The following COL12A1 variants were observed in gnomAD, a reference collection of about 807,000 sequenced individuals.
COL12A1 encodes the protein collagen type XII alpha 1 chain, also known as collagen alpha-1(XII) chain.
In COL12A1, 114 loss-of-function variants were observed where a neutral mutation model predicts 349.7. That is an observed-to-expected ratio of 0.33 (90% CI 0.28 to 0.38). The LOEUF is 0.38. COL12A1 is among the 10% of genes least tolerant of loss of function. COL12A1 has a pLI of 1.00. For missense variants in COL12A1, 3,284 were observed against 3,756.9 expected (o/e 0.87, Z 3.29); for synonymous variants, 1,369 against 1,329.0 (o/e 1.03, Z -0.66).
chr6:75,117,191 C>A (rs141698397), intron 47 of COL12A1, among the ~76,000 whole-genome samples, 191 bp downstream of exon 47: 8 of 152,198 alleles, frequency 5.3e-5, no homozygotes, highest in African/African-American at 1.9e-4. Flanking sequence ...ATATTCAAGG[C>A]TAAAAATGGA....
At chr6:75,142,691 A>G (rs1766961872) in intron 26 of COL12A1, among the ~76,000 whole-genome samples, 1 of 152,190 alleles carries the variant, frequency 6.6e-6, no homozygotes, top group Non-Finnish European at 1.5e-5. Context: ...TCTGACATTA[A>G]TACTCCCTCA....
Position 75,138,938 on chromosome 6 carries a change from A to C in COL12A1, c.4981T>G (p.Leu1661Val). 6.2e-7 allele frequency: 1 copy of C among 1,614,066 alleles called. No individual in the cohort carries two copies. The highest frequency in any genetic ancestry group is 8.5e-7 in the Non-Finnish European group (1 of 1,179,930). ...TCTGATGTTACTTCAGTAATCTTTA[A>C]GTTTGTTGGGGCTGGCACGGGTCCT... is the stretch of plus-strand genomic sequence containing the variant. ...TTRPVPAPTN[L>V]KITEVTSEGF... Residue 1661 changes from leucine to valine, a missense_variant, in exon 28 of 66, where the codon TTA becomes GTA. Leu to Val is a conservative substitution (Grantham distance 32, BLOSUM62 1). This residue lies in a region of COL12A1 where 2,601 missense variants were observed against 2,824.8 expected (regional missense o/e 0.92). Coordinates refer to ENST00000322507, the MANE Select transcript of COL12A1 (RefSeq NM_004370.6).
At chr6:75,101,379 ATTAAAATTTCAAAGACTC>A (rs1261800865) in intron 58 of COL12A1, among the ~76,000 whole-genome samples, 1 of 152,218 alleles carries the variant, frequency 6.6e-6, no homozygotes, top group Non-Finnish European at 1.5e-5. Flanking sequence ...TTTTCTGAAA[ATTAAAATTTCAAAGACTC>A]CCCTGGAGTC....
At chr6:75,186,286 C>A (rs1769615338) in intron 8 of COL12A1, among the ~76,000 whole-genome samples, 2 of 152,094 alleles carry the variant, frequency 1.3e-5, no homozygotes, top group South Asian at 4.1e-4. Context: ...CAACACACAA[C>A]CCCATTTAAA....
chr6:75,138,904 CT>C lies in COL12A1; in HGVS notation c.5014del (p.Arg1672GlufsTer16). The stretch of plus-strand genomic sequence containing the variant: ...TGAAGCTCCATGATCCCAAGTCCCT[CT>C]GAAACCCTCTGATGTTACTTCAGTA... ...KITEVTSEGF[R>X]GTWDHGASDV... On this transcript the variant is annotated frameshift_variant, in exon 28 of 66. Transcript: ENST00000322507. LOFTEE classifies it high-confidence loss of function. 6.2e-7 allele frequency: 1 copy of C among 1,614,128 alleles called. No homozygotes were observed. The highest frequency in any genetic ancestry group is 8.5e-7 in the Non-Finnish European group (1 of 1,179,972).
At chr6:75,132,478 T>C (rs1766357893) in intron 34 of COL12A1, among the ~76,000 whole-genome samples, 1 of 152,226 alleles carries the variant, frequency 6.6e-6, no homozygotes, top group Non-Finnish European at 1.5e-5. Context: ...GCTATTGAGC[T>C]CATCTGATTC....
Position 75,130,178 on chromosome 6 carries a change from G to C in COL12A1, c.6123C>G (p.Leu2041=). Residue 2041 remains leucine (L), a synonymous_variant, in exon 37 of 66, where the codon CTC becomes CTG. Coordinates refer to ENST00000322507, the MANE Select transcript of COL12A1 (RefSeq NM_004370.6). ...CATCAGCATGATCCCAGGCTACCGA[G>C]AGGCTATTGGTTGTTTCACCAAAGA... ...LRVFGETTNS[L]SVAWDHADGP... The C allele has an allele frequency of 2.5e-6, 4 of 1,614,022 alleles. No homozygotes were observed. The highest frequency in any genetic ancestry group is 3.4e-6 in the Non-Finnish European group (4 of 1,179,978).
intron 13 of COL12A1, 29 bp downstream of exon 13, chr6:75,175,009 G>A: frequency 6.2e-7 from 1 of 1,610,144 alleles, no homozygotes; most frequent in South Asian, 1.1e-5. Flanking sequence ...ACAAGTTCCT[G>A]GATTTTCAGA....
intron 13 of COL12A1, among the ~76,000 whole-genome samples, chr6:75,168,640 G>A (rs989268939): frequency 6.6e-6 from 1 of 152,276 alleles, no homozygotes; most frequent in East Asian, 1.9e-4. Flanking sequence ...CCTAAGTACT[G>A]GTGCCTTCTA....
intron 60 of COL12A1, among the ~76,000 whole-genome samples, chr6:75,093,959 C>T (rs919694352): frequency 6.6e-6 from 1 of 152,126 alleles, no homozygotes; most frequent in Non-Finnish European, 1.5e-5. Context: ...GTTTCATATA[C>T]TTATAATTGC....
intron 58 of COL12A1, 94 bp from the exon 59 acceptor site, chr6:75,097,400 A>G (rs914672333): frequency 2.0e-5 from 18 of 909,842 alleles, no homozygotes; most frequent in Non-Finnish European, 3.1e-5. Flanking sequence ...AAGGCTGAAG[A>G]GAAGGATTTA....
In COL12A1 at chr6:75,090,419, C is replaced by T; in HGVS notation, c.8753-121G>A. On this transcript the variant is annotated intron_variant, in intron 62 of 65. Transcript: ENST00000322507. This position sits in a 1 kb window ranked among gnomAD's most constrained non-coding sequence, Gnocchi z 4.1. ...CCATTCTGCAACCCCTCTAAGGAAA[C>T]AATCTAATTAGAATCCTAAAAATAA... The T allele has an allele frequency of 1.1e-6, 1 of 910,062 alleles. No homozygotes were observed. Among genetic ancestry groups the T allele is most frequent in the Non-Finnish European group, 1.6e-6 (1 of 606,824 alleles). 56.4% of individuals were successfully genotyped at this position (910,062 alleles called of 1,614,324 possible).
At chr6:75,189,475 T>C in intron 6 of COL12A1, 77 bp downstream of exon 6, 2 of 1,576,868 alleles carry the variant, frequency 1.3e-6, no homozygotes, top group Non-Finnish European at 1.7e-6. Context: ...ATTTAATATG[T>C]AATAGGCAAT....
At position 75,151,187 on chromosome 6, in the gene COL12A1, T is replaced by G. The variant is rs745813975; in HGVS notation, c.4101A>C (p.Ile1367=). 6.2e-7 allele frequency: 1 copy of G among 1,612,356 alleles called. No individual in the cohort carries two copies. Among genetic ancestry groups the G allele is most frequent in the Admixed American group, 1.7e-5 (1 of 59,896 alleles). Residue 1367 remains isoleucine, a synonymous_variant, in exon 21 of 66, where the codon ATA becomes ATC. Transcript: ENST00000322507. ...NVADFESLSR[I]VDDLTINLCN... ...ACAAATTAATGGTGAGATCATCCAC[T>G]ATCCTGGAGAGTGACTCAAAATCTG...
chr6:75,102,173 G>A, intron 56 of COL12A1, 121 bp from the exon 57 acceptor site: 1 of 884,930 alleles, frequency 1.1e-6, no homozygotes, highest in Non-Finnish European at 1.8e-6. Flanking sequence ...CGTTCAGAAT[G>A]AGCACAGAAG....
Position 75,147,667 on chromosome 6 carries a change from T to A in COL12A1, c.4417+8A>T. ...AGCAATGAGAAACAATTTTTTAATC[T>A]GACTCACAGGTTTTTTCTGTCCCCT... On this transcript the variant is annotated splice_region_variant and intron_variant, in intron 23 of 65. Coordinates refer to ENST00000322507, the MANE Select transcript of COL12A1 (RefSeq NM_004370.6). The A allele has an allele frequency of 6.3e-7, 1 of 1,581,542 alleles. No individual in the cohort carries two copies. The highest frequency in any genetic ancestry group is 1.9e-5 in the Admixed American group (1 of 52,452).
chr6:75,167,835 T>C (rs895007741), intron 13 of COL12A1, among the ~76,000 whole-genome samples: 2 of 152,228 alleles, frequency 1.3e-5, no homozygotes, highest in Non-Finnish European at 2.9e-5. Context: ...TAAAATGCAA[T>C]GAAGACCTTT....
At chr6:75,161,254 C>T (rs1768012055) in intron 14 of COL12A1, among the ~76,000 whole-genome samples, 1 of 152,176 alleles carries the variant, frequency 6.6e-6, no homozygotes. Flanking sequence ...TCTTTTTTCT[C>T]ATCAATGTTA....
At position 75,119,657 on chromosome 6, in the gene COL12A1, G is replaced by T. The variant is rs636885; in HGVS notation, c.7087-184C>A. 0.88 allele frequency among the ~76,000 whole-genome samples: 133,936 copies of T among 152,256 alleles called. 58,973 individuals are homozygous for T. Among genetic ancestry groups the T allele is most frequent in the Admixed American group, 0.9 (13,785 of 15,284 alleles). The stretch of plus-strand genomic sequence containing the variant: ...CTACTGCACTTGTCTCATTAAATTC[G>T]TTAATTTTCAATCTTCAATGAAATT... On this transcript the variant is annotated intron_variant, in intron 44 of 65. Transcript: ENST00000322507.
Sources: gnomAD v4.1 joint callset for allele counts (sites outside exome capture counted in the v4.1 genomes callset) on GRCh38, gnomAD v4.1.1 for gene constraint, gnomAD v4.1.1 regional missense constraint, Gnocchi (gnomAD v3.1) non-coding constraint, MANE v1.5 for transcripts, NCBI Gene and HGNC (gene_info 2026-07-23, HGNC 2026-07-21) for gene names.